The following SNX30 variants were observed in gnomAD, a reference collection of about 807,000 sequenced individuals.
SNX30 encodes the protein sorting nexin-30.
A neutral mutation model predicts 46.4 loss-of-function variants in SNX30; 24 were observed. The ratio of observed to expected loss-of-function variants is 0.52; its 90% CI spans 0.37 to 0.73. SNX30 has a LOEUF of 0.73. Among genes scored for constraint, SNX30 ranks in the 30% least tolerant of loss-of-function variants. SNX30 has a pLI of 0.00. For missense variants in SNX30, 533 were observed against 555.7 expected (o/e 0.96, Z 0.41); for synonymous variants, 189 against 211.5 (o/e 0.89, Z 0.92).
intron 6 of SNX30, among the ~76,000 whole-genome samples, chr9:112,847,354 A>G (rs1474739117): frequency 1.3e-5 from 2 of 151,412 alleles, no homozygotes; most frequent in Non-Finnish European, 2.9e-5. Flanking sequence ...GCTGCTCCCA[A>G]CTCCCACCCT....
intron 3 of SNX30, among the ~76,000 whole-genome samples, chr9:112,824,685 C>A (rs917940578): frequency 6.6e-6 from 1 of 152,146 alleles, no homozygotes; most frequent in Non-Finnish European, 1.5e-5. Flanking sequence ...GTTTGCCTAC[C>A]TTTTCTAGCT....
At chr9:112,822,254 G>A (rs2131429846) in intron 3 of SNX30, among the ~76,000 whole-genome samples, 1 of 152,290 alleles carries the variant, frequency 6.6e-6, no homozygotes, top group Admixed American at 6.5e-5. Context: ...CTTGGAACCA[G>A]AAGTATGCTG....
chr9:112,882,030 G>A (rs1190551501), downstream of SNX30, among the ~76,000 whole-genome samples: 1 of 152,186 alleles, frequency 6.6e-6, no homozygotes, highest in East Asian at 1.9e-4. Context: ...GCAGGAATAG[G>A]AGGTGAGAGA....
chr9:112,830,929 G>A (rs1161897543), intron 4 of SNX30, 46 bp downstream of exon 4: 1 of 1,541,812 alleles, frequency 6.5e-7, no homozygotes, highest in Admixed American at 2.1e-5. Flanking sequence ...TACCATTCTT[G>A]GGGCTCTTTC....
downstream of SNX30, among the ~76,000 whole-genome samples, chr9:112,882,040 A>G (rs1310038281): frequency 6.6e-6 from 1 of 152,090 alleles, no homozygotes; most frequent in Non-Finnish European, 1.5e-5. Flanking sequence ...GAGGTGAGAG[A>G]GGGTGGCCAG....
intron 6 of SNX30, among the ~76,000 whole-genome samples, chr9:112,843,413 C>G (rs572976797): frequency 8.4e-4 from 127 of 152,022 alleles, no homozygotes; most frequent in Non-Finnish European, 1.6e-3. Context: ...AAGGCTGTGG[C>G]TGGAGACTTG....
chr9:112,864,507 AT>A, intron 8 of SNX30, 108 bp downstream of exon 8: 1 of 1,430,412 alleles, frequency 7.0e-7, no homozygotes, highest in Non-Finnish European at 9.7e-7. Flanking sequence ...TCCTTCCCTT[AT>A]TTTAGCTGCT....
chr9:112,830,530 G>A (rs78939718), intron 3 of SNX30, among the ~76,000 whole-genome samples, 195 bp from the exon 4 acceptor site: 4,524 of 151,878 alleles, frequency 0.03, 247 homozygotes, highest in African/African-American at 0.1. Context: ...TTTATTCCTT[G>A]CATTATAAAA....
At chr9:112,763,925 T>C (rs1265217004) in intron 1 of SNX30, among the ~76,000 whole-genome samples, 1 of 152,046 alleles carries the variant, frequency 6.6e-6, no homozygotes, top group Non-Finnish European at 1.5e-5. Flanking sequence ...GATTGTGTAG[T>C]GAAATCCAGT....
intron 6 of SNX30, among the ~76,000 whole-genome samples, chr9:112,847,735 G>C (rs1484864848): frequency 6.6e-6 from 1 of 152,140 alleles, no homozygotes; most frequent in Non-Finnish European, 1.5e-5. Context: ...ACAACAAAAT[G>C]TTCTAATGTT....
chr9:112,817,893 C>A, intron 3 of SNX30, 78 bp downstream of exon 3: 1 of 919,524 alleles, frequency 1.1e-6, no homozygotes, highest in Non-Finnish European at 1.8e-6. Flanking sequence ...CAACTCTCAT[C>A]CCTTAAGTTA....
intron 1 of SNX30, among the ~76,000 whole-genome samples, chr9:112,774,482 C>T (rs1333410038): frequency 1.3e-5 from 2 of 152,162 alleles, no homozygotes; most frequent in African/African-American, 4.8e-5. Flanking sequence ...CCTAGAAAGA[C>T]ACAAATAAAG....
intron 3 of SNX30, among the ~76,000 whole-genome samples, chr9:112,827,601 A>G (rs1344325020): frequency 6.6e-6 from 1 of 151,906 alleles, no homozygotes; most frequent in Non-Finnish European, 1.5e-5. Context: ...TACTAGGCCT[A>G]CTCCAAGTGG....
chr9:112,749,885 AC>A (rs1393998411), upstream of SNX30, among the ~76,000 whole-genome samples: 1 of 152,110 alleles, frequency 6.6e-6, no homozygotes, highest in Non-Finnish European at 1.5e-5. Flanking sequence ...GGGACTGAAA[AC>A]CCTTTAAAGA....
intron 3 of SNX30, among the ~76,000 whole-genome samples, chr9:112,823,932 A>T (rs1335464844): frequency 6.6e-6 from 1 of 152,112 alleles, no homozygotes; most frequent in Non-Finnish European, 1.5e-5. Context: ...TTTAATCTCT[A>T]TGCTCCTTTA....
chr9:112,846,520 C>G (rs1230323631), intron 6 of SNX30, among the ~76,000 whole-genome samples: 1 of 152,206 alleles, frequency 6.6e-6, no homozygotes, highest in Non-Finnish European at 1.5e-5. Flanking sequence ...AGTACCAGAT[C>G]AGACTCATTT....
At chr9:112,825,226 T>C (rs1294695113) in intron 3 of SNX30, among the ~76,000 whole-genome samples, 1 of 152,230 alleles carries the variant, frequency 6.6e-6, no homozygotes, top group Non-Finnish European at 1.5e-5. Context: ...AGGGCCCAAT[T>C]TCTCCACGTA....
chr9:112,778,896 G>C (rs971079497), intron 1 of SNX30, among the ~76,000 whole-genome samples: 2 of 152,082 alleles, frequency 1.3e-5, no homozygotes, highest in Non-Finnish European at 2.9e-5. Context: ...GAACTTGGGG[G>C]GGGGGGATTT....
chr9:112,783,129 A>G (rs968593893), intron 1 of SNX30, among the ~76,000 whole-genome samples: 1 of 152,224 alleles, frequency 6.6e-6, no homozygotes, highest in Non-Finnish European at 1.5e-5. Flanking sequence ...CAGATGCCAC[A>G]GATGCAAAGG....
Sources: gnomAD v4.1 joint callset for allele counts (sites outside exome capture counted in the v4.1 genomes callset) on GRCh38, gnomAD v4.1.1 for gene constraint, MANE v1.5 for transcripts, NCBI Gene and HGNC (gene_info 2026-07-23, HGNC 2026-07-21) for gene names.